Variants in RARB observed in about 807,000 individuals in gnomAD.
The protein encoded by RARB is HBV-activated protein.
A neutral mutation model predicts 51.9 loss-of-function variants in RARB; 17 were observed. The observed-to-expected ratio is 0.33, with a 90% confidence interval of 0.22 to 0.49. The LOEUF (loss-of-function observed/expected upper bound fraction) is 0.49, where lower values mean the gene tolerates loss of function less well. Ranked by LOEUF, RARB falls within the 20% of genes least tolerant of loss-of-function variation. The pLI is 0.99. For synonymous variants in RARB, 215 were observed against 195.4 expected, an observed-to-expected ratio of 1.10 and a Z score of -0.84; for missense variants, 369 against 550.8, an observed-to-expected ratio of 0.67 and a Z score of 3.30.
chr3:24,876,424 ATAT>A (rs1333039212), intron 2 of RARB, among the ~76,000 whole-genome samples: 3 of 152,118 alleles, frequency 2.0e-5, no homozygotes, highest in Non-Finnish European at 2.9e-5. Flanking sequence ...TTTAATGCAA[ATAT>A]TATTATGGGT....
intron 3 of RARB, among the ~76,000 whole-genome samples, chr3:25,108,626 A>C: frequency 6.6e-6 from 1 of 152,310 alleles, no homozygotes; most frequent in East Asian, 1.9e-4. Flanking sequence ...TGTCCAGGGA[A>C]AAAAGAATGG....
intron 3 of RARB, among the ~76,000 whole-genome samples, chr3:25,131,040 C>A (rs1338579953): frequency 6.7e-6 from 1 of 148,772 alleles, no homozygotes; most frequent in African/African-American, 2.5e-5. Context: ...TATCAATGAT[C>A]TTATCAATAT....
intron 4 of RARB, among the ~76,000 whole-genome samples, chr3:25,576,670 A>C (rs1700948112): frequency 6.6e-6 from 1 of 152,092 alleles, no homozygotes; most frequent in African/African-American, 2.4e-5. Context: ...AAATACTCGA[A>C]AGATTCTAGA....
intron 5 of RARB, among the ~76,000 whole-genome samples, chr3:25,379,229 G>A (rs1706555886): frequency 6.6e-6 from 1 of 152,182 alleles, no homozygotes; most frequent in Admixed American, 6.5e-5. Context: ...CCCCATGCCA[G>A]AGCATACTAG....
intron 3 of RARB, among the ~76,000 whole-genome samples, chr3:25,531,804 G>C (rs1191801892): frequency 5.9e-5 from 9 of 151,738 alleles, no homozygotes; most frequent in Non-Finnish European, 4.4e-5. Context: ...TTTTCTGCCA[G>C]GTAGGAATTT....
intron 5 of RARB, among the ~76,000 whole-genome samples, chr3:25,247,439 G>T (rs151038568): frequency 6.6e-6 from 1 of 152,316 alleles, no homozygotes; most frequent in South Asian, 2.1e-4. Flanking sequence ...GAAACTCGGG[G>T]CCCATGTGGT....
chr3:25,412,559 C>T (rs1448029326), intron 5 of RARB, among the ~76,000 whole-genome samples: 6 of 152,134 alleles, frequency 3.9e-5, no homozygotes, highest in Admixed American at 2.6e-4. Flanking sequence ...TGAGAGTTTG[C>T]TTGTTTGTTT....
intron 3 of RARB, among the ~76,000 whole-genome samples, chr3:25,096,996 G>C (rs946656344): frequency 4.8e-4 from 73 of 152,218 alleles, no homozygotes; most frequent in African/African-American, 1.6e-3. Context: ...TGATAGCCAA[G>C]AATAAAAGAG....
Position 25,557,137 on chromosome 3 carries a change from T to TCACACACACACACA in RARB, c.449-12598_449-12585dup, listed in dbSNP as rs55731301. On this transcript the variant is annotated intron_variant, in intron 3 of 7. Transcript: ENST00000330688. ...GTTTTGCTTCCACATGGCATTGCAT[T>TCACACACACACACA]CACACACACACACACACACACACAC... is the stretch of plus-strand genomic sequence containing the variant. Among the ~76,000 whole-genome samples the TCACACACACACACA allele has an allele frequency of 5.9e-3, 863 of 145,426 alleles. 8 individuals carry two copies. The highest frequency in any genetic ancestry group is 0.018 in the African/African-American group (714 of 38,624).
intron 5 of RARB, among the ~76,000 whole-genome samples, chr3:25,190,167 C>T (rs778288096): frequency 1.3e-5 from 2 of 149,004 alleles, no homozygotes; most frequent in South Asian, 4.3e-4. Context: ...CTAGAACTTT[C>T]CCATGGAAGG....
chr3:24,964,366 G>A (rs1233323209), intron 2 of RARB, among the ~76,000 whole-genome samples: 1 of 151,452 alleles, frequency 6.6e-6, no homozygotes, highest in African/African-American at 2.4e-5. Flanking sequence ...TTTTTTTTCT[G>A]TATATATCAC....
chr3:25,100,758 T>G (rs544559072), intron 3 of RARB, among the ~76,000 whole-genome samples: 1 of 152,274 alleles, frequency 6.6e-6, no homozygotes, highest in Admixed American at 6.5e-5. Context: ...GAGATTCCCA[T>G]AGCCACTCGG....
chr3:24,938,340 C>T (rs971140038), intron 2 of RARB, among the ~76,000 whole-genome samples: 6 of 152,074 alleles, frequency 3.9e-5, no homozygotes, highest in Admixed American at 1.3e-4. Context: ...GTTAGAGAAC[C>T]GTATGTTTCC....
At chr3:24,940,453 AGG>A (rs10585142) in intron 2 of RARB, among the ~76,000 whole-genome samples, 79,539 of 151,848 alleles carry the variant, frequency 0.52, 21,562 homozygotes, top group East Asian at 0.7. Context: ...CAACAAGAGA[AGG>A]GGGGATAGGA....
chr3:25,003,316 C>A (rs1697205907), intron 2 of RARB, among the ~76,000 whole-genome samples: 1 of 152,090 alleles, frequency 6.6e-6, no homozygotes, highest in Middle Eastern at 3.4e-3. Context: ...ACCAGCTTGG[C>A]AGGGAGAGCT....
chr3:25,508,439 C>T (rs996076683), intron 3 of RARB, among the ~76,000 whole-genome samples: 1 of 152,154 alleles, frequency 6.6e-6, no homozygotes, highest in East Asian at 1.9e-4. Context: ...AGGCACTTAA[C>T]CTCAGTTAGA....
intron 3 of RARB, among the ~76,000 whole-genome samples, chr3:25,104,498 G>T (rs1031218669): frequency 6.6e-6 from 1 of 152,060 alleles, no homozygotes; most frequent in East Asian, 1.9e-4. Context: ...TAAAAATTTA[G>T]CTTGGCATAG....
At chr3:25,025,814 C>T (rs955977843) in intron 2 of RARB, among the ~76,000 whole-genome samples, 2 of 151,936 alleles carry the variant, frequency 1.3e-5, no homozygotes, top group South Asian at 4.2e-4. Flanking sequence ...TGTCTATGGC[C>T]CATATAAATC....
At chr3:25,325,297 C>T (rs1264807178) in intron 5 of RARB, among the ~76,000 whole-genome samples, 5 of 152,116 alleles carry the variant, frequency 3.3e-5, no homozygotes, top group Admixed American at 2.0e-4. Flanking sequence ...GTGACGACAA[C>T]CAGAGGTCAT....
Sources: gnomAD v4.1 joint callset for allele counts (sites outside exome capture counted in the v4.1 genomes callset) on GRCh38, gnomAD v4.1.1 for gene constraint, MANE v1.5 for transcripts, NCBI Gene and HGNC (gene_info 2026-07-23, HGNC 2026-07-21) for gene names.